The following WDR45B variants were observed in gnomAD, a reference collection of about 807,000 sequenced individuals.
WDR45B encodes the protein WD repeat domain 45B, also known as WD repeat domain phosphoinositide-interacting protein 3.
Under a neutral mutation model 44.6 loss-of-function variants are expected in WDR45B, and 20 were observed. The observed-to-expected ratio is 0.45, with a 90% CI of 0.32 to 0.65. The LOEUF (loss-of-function observed/expected upper bound fraction) is 0.65. WDR45B is among the 30% of genes least tolerant of loss of function. The pLI is 0.05. For synonymous variants in WDR45B, 169 were observed against 164.9 expected (o/e 1.02, Z -0.19); for missense variants, 323 against 430.2 (o/e 0.75, Z 2.20).
chr17:82,632,247 A>C (rs2045777614), intron 2 of WDR45B, among the ~76,000 whole-genome samples: 1 of 151,910 alleles, frequency 6.6e-6, no homozygotes, highest in African/African-American at 2.4e-5. Flanking sequence ...CTACAGCCTC[A>C]AACTCCCGGG....
chr17:82,625,207 G>A (rs1026561969), intron 5 of WDR45B, among the ~76,000 whole-genome samples, 182 bp downstream of exon 5: 2 of 152,168 alleles, frequency 1.3e-5, no homozygotes, highest in African/African-American at 2.4e-5. Context: ...TGGTCAGAAG[G>A]TAGTTTGGGG....
At chr17:82,639,064 A>G (rs1598277020) in intron 2 of WDR45B, among the ~76,000 whole-genome samples, 1 of 151,814 alleles carries the variant, frequency 6.6e-6, no homozygotes, top group African/African-American at 2.4e-5. Context: ...CTCGTGATCC[A>G]CCTGCCTCGG....
chr17:82,641,940 CAT>C (rs548805955), intron 2 of WDR45B, among the ~76,000 whole-genome samples: 26 of 146,400 alleles, frequency 1.8e-4, no homozygotes, highest in Admixed American at 7.0e-4. Context: ...TTCTGTAACA[CAT>C]GTGGGAAAAA....
chr17:82,619,502 T>C (rs1182026094), intron 6 of WDR45B, among the ~76,000 whole-genome samples: 1 of 149,944 alleles, frequency 6.7e-6, no homozygotes. Flanking sequence ...GTCCGAATCC[T>C]AAGTCCCTCA....
In WDR45B at chr17:82,648,334, G is replaced by C. The variant is rs760198013; in HGVS notation, c.7C>G (p.Leu3Val). 1.2e-6 allele frequency: 2 copies of C among 1,606,486 alleles called. No homozygotes were observed. Among genetic ancestry groups the C allele is most frequent in the South Asian group, 1.1e-5 (1 of 90,374 alleles). The change falls in exon 1 of 10, where the codon CTC becomes GTC. Residue 3 changes from leucine to valine, a missense_variant. Transcript: ENST00000392325. ...TTGCCGTGAGGGTTACACGGCAGGA[G>C]GTTCATGGCGCCGCCGTGCTGGGTC... The part of the protein sequence containing the change: MN[L>V]LPCNPHGNGL...
rs372702966 is a variant in WDR45B, at chr17:82,630,552, TC to T, written c.244+368del. Among the ~76,000 whole-genome samples the T allele has an allele frequency of 3.7e-3, 561 of 152,306 alleles. 8 individuals are homozygous for T. Among genetic ancestry groups the T allele is most frequent in the African/African-American group, 0.013 (521 of 41,566 alleles). On this transcript the variant is annotated intron_variant, in intron 3 of 9. Transcript: ENST00000392325. ...ACCCAGAGCCCAAGTGGTGTTTTGT[TC>T]CACGTGGCTATGAAACTAATGTTCC... is the stretch of plus-strand genomic sequence containing the variant.
At chr17:82,620,951 C>G (rs907966158) in intron 6 of WDR45B, among the ~76,000 whole-genome samples, 6 of 152,004 alleles carry the variant, frequency 3.9e-5, no homozygotes, top group African/African-American at 1.2e-4. Flanking sequence ...GCTGTGAAGA[C>G]AGGAGCACAG....
intron 4 of WDR45B, 159 bp from the exon 5 acceptor site, chr17:82,625,642 C>A: frequency 1.3e-6 from 1 of 753,098 alleles, no homozygotes; most frequent in Non-Finnish European, 2.2e-6. Flanking sequence ...TAGCCAGCGC[C>A]AGGCCTGGAG....
Position 82,648,143 on chromosome 17 carries a change from G to A in WDR45B, c.67+131C>T, listed in dbSNP as rs1397843793. ...CCGGGGCCGGGGGCTTCGGAGGGGA[G>A]CTCGGGCGGGGCCGGGGTCCCGGGT... is the stretch of plus-strand genomic sequence containing the variant. On this transcript the variant is annotated intron_variant, in intron 1 of 9. Coordinates refer to ENST00000392325, the MANE Select transcript of WDR45B (RefSeq NM_019613.4). The A allele has an allele frequency of 5.5e-6, 6 of 1,084,658 alleles. No homozygotes were observed. The African/African-American group carries it at 8.4e-5, about 15-fold the overall frequency. The allele number at this position is 1,084,658 out of a possible 1,614,324, so 67.2% of individuals were successfully genotyped here. A position where few individuals can be genotyped will look rare whatever the true frequency, so the allele number is the denominator to read the frequency against.
Position 82,630,941 on chromosome 17 carries a change from G to A in WDR45B, c.224C>T (p.Pro75Leu), listed in dbSNP as rs1433836283. 9 of 1,612,476 alleles carry A rather than the reference G, an allele frequency of 5.6e-6. No homozygotes were observed. The highest frequency in any genetic ancestry group is 1.3e-5 in the African/African-American group (1 of 74,940). The change falls in exon 3 of 10, where the codon CCG becomes CTG. Residue 75 changes from proline to leucine, a missense_variant. Physicochemically the swap from Pro to Leu is moderately conservative, Grantham distance 98 (BLOSUM62 -3). Coordinates refer to ENST00000392325, the MANE Select transcript of WDR45B (RefSeq NM_019613.4). ...YLALVGGGKK[P>L]KYPPNKVMIW... ...AGTACCTTTGTTGGGAGGGTATTTC[G>A]GCTTTTTTCCACCACCAACTAAAGC...
intron 3 of WDR45B, chr17:82,629,842 C>T (rs149375165): frequency 1.6e-5 from 16 of 985,336 alleles, no homozygotes; most frequent in South Asian, 4.7e-5. Flanking sequence ...TTCCTAAGTA[C>T]GTGATATCAC....
At chr17:82,621,491 A>AG (rs2045616054) in intron 6 of WDR45B, 118 bp downstream of exon 6, 3 of 1,353,642 alleles carry the variant, frequency 2.2e-6, no homozygotes, top group Non-Finnish European at 3.1e-6. Flanking sequence ...CAGGCCCCTG[A>AG]GGGGCTCCAG....
At position 82,642,373 on chromosome 17, in the gene WDR45B, T is replaced by C. The variant is rs928839004; in HGVS notation, c.142+1576A>G. 4.6e-5 allele frequency among the ~76,000 whole-genome samples: 7 copies of C among 152,288 alleles called. No homozygotes were observed. In the East Asian group the frequency reaches 1.3e-3, roughly 29 times the overall value. On this transcript the variant is annotated intron_variant, in intron 2 of 9. Coordinates refer to ENST00000392325, the MANE Select transcript of WDR45B (RefSeq NM_019613.4). Reference sequence around the variant, plus strand: ...AGACTCTAATGCCTGATGATCTGAGTGGGAACAGTTTCATCCCGAAACCAT... The same window carrying C: ...AGACTCTAATGCCTGATGATCTGAGCGGGAACAGTTTCATCCCGAAACCAT...
intron 2 of WDR45B, among the ~76,000 whole-genome samples, chr17:82,639,866 C>T (rs11652867): frequency 4.3e-3 from 160 of 37,202 alleles, no homozygotes; most frequent in Admixed American, 8.7e-3. Flanking sequence ...GGTGGGCTGC[C>T]GAGCTGTGTG....
chr17:82,626,979 C>A, intron 4 of WDR45B: 1 of 577,882 alleles, frequency 1.7e-6, no homozygotes, highest in Non-Finnish European at 3.1e-6. Context: ...ACGTCATCCA[C>A]GCCACCACCT....
chr17:82,641,434 T>C (rs2143372830), intron 2 of WDR45B, among the ~76,000 whole-genome samples: 1 of 152,270 alleles, frequency 6.6e-6, no homozygotes, highest in South Asian at 2.1e-4. Flanking sequence ...TGTTATAATA[T>C]TGGGTGTGTT....
chr17:82,644,190 A>G, intron 1 of WDR45B, 167 bp from the exon 2 acceptor site: 1 of 704,468 alleles, frequency 1.4e-6, no homozygotes, highest in Non-Finnish European at 2.6e-6. Flanking sequence ...TTACTAAGTG[A>G]CAAGCACATC....
chr17:82,646,592 C>A (rs956184606), intron 1 of WDR45B, among the ~76,000 whole-genome samples: 13 of 151,520 alleles, frequency 8.6e-5, no homozygotes, highest in Non-Finnish European at 1.6e-4. Context: ...TCTATGATGT[C>A]ACAAGTCAGG....
intron 3 of WDR45B, among the ~76,000 whole-genome samples, chr17:82,628,137 C>A (rs1006779150): frequency 3.3e-5 from 5 of 152,176 alleles, no homozygotes; most frequent in African/African-American, 4.8e-5. Flanking sequence ...GGACTACAGG[C>A]ATGCACTACC....
Sources: gnomAD v4.1 joint callset for allele counts (sites outside exome capture counted in the v4.1 genomes callset) on GRCh38, gnomAD v4.1.1 for gene constraint, MANE v1.5 for transcripts, NCBI Gene and HGNC (gene_info 2026-07-23, HGNC 2026-07-21) for gene names.